The following ZMIZ1 variants were observed in gnomAD, a reference collection of about 807,000 sequenced individuals.
ZMIZ1 encodes zinc finger MIZ domain-containing protein 1.
A neutral mutation model predicts 113.9 loss-of-function variants in ZMIZ1; 17 were observed. The observed-to-expected ratio is 0.15, with a 90% confidence interval of 0.10 to 0.22. The LOEUF (loss-of-function observed/expected upper bound fraction) is 0.22. Among genes scored for constraint, ZMIZ1 ranks in the 10% least tolerant of loss-of-function variants. The pLI is 1.00. For missense variants in ZMIZ1, 1,059 were observed against 1,477.8 expected (o/e 0.72, Z 4.65); for synonymous variants, 607 against 603.1 (o/e 1.01, Z -0.09).
chr10:79,248,561 G>A (rs560883524), intron 7 of ZMIZ1, among the ~76,000 whole-genome samples: 6 of 152,150 alleles, frequency 3.9e-5, no homozygotes, highest in South Asian at 2.1e-4. Flanking sequence ...CGAGGTCGGC[G>A]TCCTGCTGTG....
In ZMIZ1 at chr10:79,172,854, G is replaced by C. The variant is rs558839464; in HGVS notation, c.-50+10721G>C. 9.3e-4 allele frequency among the ~76,000 whole-genome samples: 141 copies of C among 152,314 alleles called. 1 individual carries two copies. The highest frequency in any genetic ancestry group is 1.6e-3 in the Non-Finnish European group (111 of 68,036). On this transcript the variant is annotated intron_variant, in intron 4 of 24. Transcript: ENST00000334512. Reference sequence around the variant, plus strand: ...GGGAAAGATGAACAACCAGTGTCTGGATAATGGGCCCTTCCCCTGAATTGG... The same window carrying C: ...GGGAAAGATGAACAACCAGTGTCTGCATAATGGGCCCTTCCCCTGAATTGG...
intron 4 of ZMIZ1, among the ~76,000 whole-genome samples, chr10:79,179,857 G>T (rs1847039626): frequency 6.6e-6 from 1 of 152,196 alleles, no homozygotes; most frequent in South Asian, 2.1e-4. Context: ...TGGGGACCAG[G>T]CAGTGGGTGA....
At chr10:79,297,338 C>T (rs1853967907) in intron 13 of ZMIZ1, among the ~76,000 whole-genome samples, 1 of 152,168 alleles carries the variant, frequency 6.6e-6, no homozygotes, top group South Asian at 2.1e-4. Flanking sequence ...TTATTATGGC[C>T]ATCTACCAAA....
intron 3 of ZMIZ1, among the ~76,000 whole-genome samples, chr10:79,144,568 G>T (rs992525499): frequency 6.6e-6 from 1 of 152,082 alleles, no homozygotes; most frequent in African/African-American, 2.4e-5. Flanking sequence ...GCCCATTTCT[G>T]CCTGGAGCAC....
chr10:79,151,568 G>A (rs1050894843), intron 3 of ZMIZ1, among the ~76,000 whole-genome samples: 1 of 152,246 alleles, frequency 6.6e-6, no homozygotes, highest in Non-Finnish European at 1.5e-5. Flanking sequence ...GTCAGCACCA[G>A]CTGGGCTTGG....
At chr10:79,132,835 A>T (rs1020181629) in intron 2 of ZMIZ1, among the ~76,000 whole-genome samples, 1 of 152,104 alleles carries the variant, frequency 6.6e-6, no homozygotes, top group East Asian at 1.9e-4. Flanking sequence ...GTTCAGGGGT[A>T]GCTCAGCAGG....
At chr10:79,170,155 A>G (rs904328265) in intron 4 of ZMIZ1, among the ~76,000 whole-genome samples, 15 of 152,226 alleles carry the variant, frequency 9.9e-5, no homozygotes, top group African/African-American at 3.1e-4. Flanking sequence ...ATTTTTAAAC[A>G]GATGCCCCCA....
chr10:79,151,984 C>T (rs1845731896), intron 3 of ZMIZ1, among the ~76,000 whole-genome samples: 1 of 152,236 alleles, frequency 6.6e-6, no homozygotes. Flanking sequence ...CCCTGGGCTG[C>T]TCCACCAGGT....
chr10:79,262,015 G>A (rs1851300702), intron 7 of ZMIZ1, among the ~76,000 whole-genome samples: 1 of 152,212 alleles, frequency 6.6e-6, no homozygotes, highest in South Asian at 2.1e-4. Flanking sequence ...GAATGCAAAG[G>A]TCAGGGGAGG....
intron 22 of ZMIZ1, 125 bp downstream of exon 22, chr10:79,306,469 A>G (rs1163388624): frequency 2.9e-5 from 42 of 1,459,262 alleles, no homozygotes; most frequent in Non-Finnish European, 3.8e-5. Context: ...GAAGTAACAC[A>G]TCCCCCAAAA....
chr10:79,216,918 G>C (rs1848754931), intron 7 of ZMIZ1, among the ~76,000 whole-genome samples: 1 of 152,256 alleles, frequency 6.6e-6, no homozygotes, highest in African/African-American at 2.4e-5. Flanking sequence ...TTCTGTCTGG[G>C]AGGGCTTTGA....
At chr10:79,211,317 C>T (rs756689911) in intron 6 of ZMIZ1, among the ~76,000 whole-genome samples, 4 of 152,114 alleles carry the variant, frequency 2.6e-5, no homozygotes, top group South Asian at 2.1e-4. Context: ...GCCCTGTTGC[C>T]GGTGCCCCTG....
At chr10:79,274,996 G>A (rs1251648683) in intron 7 of ZMIZ1, among the ~76,000 whole-genome samples, 2 of 152,240 alleles carry the variant, frequency 1.3e-5, no homozygotes, top group African/African-American at 2.4e-5. Flanking sequence ...ATCTGTGGCC[G>A]TCCTTTGTGC....
intron 8 of ZMIZ1, among the ~76,000 whole-genome samples, chr10:79,279,452 C>CGGGA (rs1852554782): frequency 6.6e-6 from 1 of 150,958 alleles, no homozygotes. Flanking sequence ...GGATGTCAGC[C>CGGGA]GGGAAGAGGC....
At chr10:79,277,480 G>T (rs1259010715) in intron 8 of ZMIZ1, among the ~76,000 whole-genome samples, 155 bp downstream of exon 8, 2 of 152,222 alleles carry the variant, frequency 1.3e-5, no homozygotes, top group Non-Finnish European at 2.9e-5. Flanking sequence ...TCGTGGGTGA[G>T]CCCTGTTTCT....
chr10:79,235,834 C>CCCTGGA (rs201953222), intron 7 of ZMIZ1, among the ~76,000 whole-genome samples: 1,563 of 152,316 alleles, frequency 0.01, 34 homozygotes, highest in African/African-American at 0.036. Flanking sequence ...GCAGGGCATG[C>CCCTGGA]CCTGGACGCT....
rs1852355639 is a variant in ZMIZ1, at chr10:79,277,259, C to G, written c.359C>G (p.Pro120Arg). Reference sequence around the variant, plus strand: ...CAGAAGAGCCGCCAGAGCGATCCCCCTGGGAAACTCCCCATGCAGCCCCCT... The same window carrying G: ...CAGAAGAGCCGCCAGAGCGATCCCCGTGGGAAACTCCCCATGCAGCCCCCT... Reference protein sequence around the residue: ...RHQKSRQSDPPGKLPMQPPLS... With the variant: ...RHQKSRQSDPRGKLPMQPPLS... The change falls in exon 8 of 25, where the codon CCT (proline) becomes CGT (arginine). Residue 120 changes from proline (P) to arginine (R), a missense_variant. Pro to Arg is a moderately radical substitution (Grantham distance 103). Around this residue, in one of 6 missense-constraint regions of ZMIZ1, gnomAD observed 272 missense variants for 350.4 expected, o/e 0.78. Transcript: ENST00000334512. 6.3e-7 allele frequency: 1 copy of G among 1,598,058 alleles called. No individual in the cohort carries two copies. The highest frequency in any genetic ancestry group is 1.4e-5 in the African/African-American group (1 of 73,720).
chr10:79,212,905 T>A (rs1020282804), intron 6 of ZMIZ1, among the ~76,000 whole-genome samples: 3 of 152,166 alleles, frequency 2.0e-5, no homozygotes, highest in Non-Finnish European at 4.4e-5. Flanking sequence ...CCCAGTCAAG[T>A]TCTCCGTCTT....
chr10:79,151,565 C>T lies in ZMIZ1; in HGVS notation c.-130-10488C>T, dbSNP rs557523373. Among the ~76,000 whole-genome samples, 6 of 152,344 alleles carry T rather than the reference C, an allele frequency of 3.9e-5. No homozygotes were observed. The East Asian group carries it at 1.2e-3, about 29-fold the overall frequency. The stretch of plus-strand genomic sequence containing the variant: ...AAGTTAGCCCAAGTGGGTGTCAGCA[C>T]CAGCTGGGCTTGGGAGGCCTCAGTT... On this transcript the variant is annotated intron_variant, in intron 3 of 24. Coordinates refer to ENST00000334512, the MANE Select transcript of ZMIZ1 (RefSeq NM_020338.4).
Sources: gnomAD v4.1 joint callset for allele counts (sites outside exome capture counted in the v4.1 genomes callset) on GRCh38, gnomAD v4.1.1 for gene constraint, gnomAD v4.1.1 regional missense constraint, MANE v1.5 for transcripts, NCBI Gene and HGNC (gene_info 2026-07-23, HGNC 2026-07-21) for gene names.